PPP2R2C: variants seen among roughly 807,000 people sequenced by gnomAD.
PPP2R2C encodes the protein protein phosphatase 2 regulatory subunit Bgamma.
A neutral mutation model predicts 45.3 loss-of-function variants in PPP2R2C; 10 were observed. The ratio of observed to expected loss-of-function variants is 0.22; its 90% CI spans 0.14 to 0.37. PPP2R2C has a LOEUF of 0.37. Ranked by LOEUF, PPP2R2C falls within the 10% of genes least tolerant of loss-of-function variation. PPP2R2C has a pLI of 1.00. For missense variants in PPP2R2C, 308 were observed against 619.7 expected, an observed-to-expected ratio of 0.50 and a Z score of 5.34; for synonymous variants, 257 against 245.4, an observed-to-expected ratio of 1.05 and a Z score of -0.44.
At chr4:6,516,846 T>C (rs113724276) in intron 2 of PPP2R2C, among the ~76,000 whole-genome samples, 6,073 of 152,152 alleles carry the variant, frequency 0.04, 463 homozygotes, top group African/African-American at 0.14. Flanking sequence ...GAGATGTCAC[T>C]GGTTCATGAA....
At chr4:6,531,324 A>G (rs905285669) in intron 2 of PPP2R2C, among the ~76,000 whole-genome samples, 4 of 152,168 alleles carry the variant, frequency 2.6e-5, no homozygotes, top group African/African-American at 9.7e-5. Flanking sequence ...ACCCTCACAG[A>G]GGAAAGGACG....
intron 1 of PPP2R2C, among the ~76,000 whole-genome samples, chr4:6,432,472 C>G (rs1304751383): frequency 6.6e-6 from 1 of 152,206 alleles, no homozygotes; most frequent in East Asian, 1.9e-4. Context: ...CTCCCCTCTA[C>G]TCCAGCACCT....
At chr4:6,363,152 G>A (rs1368549442) in intron 5 of PPP2R2C, among the ~76,000 whole-genome samples, 1 of 152,170 alleles carries the variant, frequency 6.6e-6, no homozygotes, top group Non-Finnish European at 1.5e-5. Context: ...CCTCAGTCAT[G>A]TTGGAGGCTG....
At chr4:6,461,459 C>T (rs956701902) in intron 1 of PPP2R2C, among the ~76,000 whole-genome samples, 1 of 152,136 alleles carries the variant, frequency 6.6e-6, no homozygotes, top group Non-Finnish European at 1.5e-5. Context: ...TAGCTCTGGC[C>T]AATGGAATGT....
intron 1 of PPP2R2C, among the ~76,000 whole-genome samples, chr4:6,450,239 G>A (rs901501382): frequency 4.6e-5 from 7 of 151,782 alleles, no homozygotes; most frequent in African/African-American, 1.7e-4. Context: ...GGGGGGTTCA[G>A]CACCAACTGC....
intron 1 of PPP2R2C, among the ~76,000 whole-genome samples, chr4:6,448,648 C>T (rs1430119144): frequency 2.6e-5 from 4 of 152,132 alleles, no homozygotes; most frequent in African/African-American, 9.7e-5. Flanking sequence ...AGGGCCAGGC[C>T]CCACCCTCGT....
chr4:6,382,458 C>T (rs776299978), intron 1 of PPP2R2C: 2 of 1,351,990 alleles, frequency 1.5e-6, no homozygotes, highest in Non-Finnish European at 2.0e-6. Context: ...GATGACCAAA[C>T]TCCTGAGCCA....
Position 6,329,368 on chromosome 4 carries a change from G to T in PPP2R2C, c.961-15C>A, listed in dbSNP as rs773951401. On this transcript the variant is annotated splice_polypyrimidine_tract_variant and intron_variant, in intron 7 of 8. Transcript: ENST00000382599. This position sits in a 1 kb window ranked among gnomAD's most constrained non-coding sequence, Gnocchi z 5.8. ...TAGTCATGGACCTGGTGGGATAAGG[G>T]ATGAGGTGAGTGGACGGGGCGTCCC... The T allele has an allele frequency of 3.2e-5, 51 of 1,608,634 alleles. No individual in the cohort carries two copies. Among genetic ancestry groups the T allele is most frequent in the Non-Finnish European group, 4.3e-5 (50 of 1,175,102 alleles).
At chr4:6,385,766 C>T (rs1277022680) in intron 1 of PPP2R2C, among the ~76,000 whole-genome samples, 4 of 152,092 alleles carry the variant, frequency 2.6e-5, no homozygotes, top group Non-Finnish European at 5.9e-5. Context: ...GATGGGGTTT[C>T]ACCATATTGG....
upstream of PPP2R2C, among the ~76,000 whole-genome samples, chr4:6,477,334 C>T (rs900064128): frequency 6.6e-6 from 1 of 152,180 alleles, no homozygotes; most frequent in Non-Finnish European, 1.5e-5. Flanking sequence ...AAAGAGGTAA[C>T]AGAAGATTGT....
chr4:6,512,083 A>ATGG (rs1157543779), intron 2 of PPP2R2C, among the ~76,000 whole-genome samples: 1 of 14,088 alleles, frequency 7.1e-5, no homozygotes, highest in Non-Finnish European at 1.3e-4. Flanking sequence ...GATGGTGCTG[A>ATGG]TGGTGGTGGT....
In PPP2R2C at chr4:6,536,158, G is replaced by T. The variant is rs1023397154; in HGVS notation, c.-58-781C>A. On this transcript the variant is annotated intron_variant, in intron 1 of 9. Transcript: ENST00000506140. ...ACAGACACTGAAGGAGAGCCTCTCA[G>T]CCTCAAGGTGAAGGATAGGAACTAT... Among the ~76,000 whole-genome samples the T allele has an allele frequency of 5.3e-5, 8 of 152,290 alleles. No individual in the cohort carries two copies. In the East Asian group the frequency reaches 1.5e-3, roughly 29 times the overall value.
At chr4:6,390,431 C>A (rs1018476579) in intron 1 of PPP2R2C, among the ~76,000 whole-genome samples, 1 of 152,192 alleles carries the variant, frequency 6.6e-6, no homozygotes, top group African/African-American at 2.4e-5. Context: ...GCACAGCCAC[C>A]GGCAGGTAGA....
intron 1 of PPP2R2C, among the ~76,000 whole-genome samples, chr4:6,393,609 G>A (rs1716804430): frequency 6.6e-6 from 1 of 152,220 alleles, no homozygotes; most frequent in African/African-American, 2.4e-5. Flanking sequence ...GCTACTGCAG[G>A]AGCCAGACCC....
chr4:6,418,618 G>A (rs1229290455), intron 1 of PPP2R2C, among the ~76,000 whole-genome samples: 1 of 152,234 alleles, frequency 6.6e-6, no homozygotes, highest in Non-Finnish European at 1.5e-5. Context: ...AGGCTGAGCT[G>A]CTCTTCCCAA....
At chr4:6,341,162 C>A (rs758216101) in intron 6 of PPP2R2C, among the ~76,000 whole-genome samples, 16 of 152,160 alleles carry the variant, frequency 1.1e-4, no homozygotes, top group Non-Finnish European at 1.9e-4. Flanking sequence ...GCCAACATGG[C>A]AAAACCTTGT....
chr4:6,367,338 C>T (rs1714413580), intron 5 of PPP2R2C, among the ~76,000 whole-genome samples: 1 of 152,062 alleles, frequency 6.6e-6, no homozygotes, highest in Admixed American at 6.5e-5. Context: ...CCAGTGGGCA[C>T]GGAGGACTGA....
intron 5 of PPP2R2C, 23 bp downstream of exon 5, chr4:6,372,500 G>A (rs761398437): frequency 1.9e-6 from 3 of 1,540,296 alleles, no homozygotes; most frequent in South Asian, 2.3e-5. Context: ...GGGAGGCACT[G>A]GCCAGGCCAC....
intron 1 of PPP2R2C, among the ~76,000 whole-genome samples, chr4:6,558,378 C>T (rs1462574034): frequency 1.3e-5 from 2 of 152,156 alleles, no homozygotes; most frequent in African/African-American, 4.8e-5. Flanking sequence ...GGAAGGCCAC[C>T]CATGCAAGGT....
Sources: allele counts gnomAD v4.1 joint callset (sites outside exome capture counted in the v4.1 genomes callset), GRCh38; gene constraint gnomAD v4.1.1; non-coding constraint Gnocchi (gnomAD v3.1); transcripts MANE v1.5; gene names NCBI Gene and HGNC (gene_info 2026-07-23, HGNC 2026-07-21).